The following GPR107 variants were observed in gnomAD, a reference collection of about 807,000 sequenced individuals.
GPR107 encodes the protein G protein-coupled receptor 107.
A neutral mutation model predicts 75.5 loss-of-function variants in GPR107; 31 were observed. That is an observed-to-expected ratio of 0.41 (90% CI 0.31 to 0.55). The LOEUF is 0.55. Ranked by LOEUF, GPR107 falls within the 20% of genes least tolerant of loss-of-function variation. The probability of loss-of-function intolerance (pLI) is 0.26; values close to 1 mark genes in which losing one functional copy is unlikely to be tolerated. For missense variants in GPR107, 572 were observed against 665.7 expected, an observed-to-expected ratio of 0.86 and a Z score of 1.55; for synonymous variants, 267 against 251.3, an observed-to-expected ratio of 1.06 and a Z score of -0.59.
intron 17 of GPR107, among the ~76,000 whole-genome samples, chr9:130,133,600 T>C (rs1172827039): frequency 1.3e-5 from 2 of 152,202 alleles, no homozygotes; most frequent in Non-Finnish European, 2.9e-5. Context: ...CATGGATCCC[T>C]CCTGGGGCAA....
chr9:130,106,975 G>A (rs1285761748), intron 13 of GPR107, among the ~76,000 whole-genome samples: 1 of 152,134 alleles, frequency 6.6e-6, no homozygotes, highest in Non-Finnish European at 1.5e-5. Flanking sequence ...TGGTCATTAG[G>A]TACCAGCACA....
Position 130,099,462 on chromosome 9 carries a change from A to G in GPR107, c.869A>G (p.Asp290Gly). ...WIHILRKRRN[D>G]VFKIHWLMAA... ...TTTTCTCTCTGTTTTTATAGGAATGATGTATTTAAAATCCACTGGCTGATG... is the reference window on the plus strand; with the variant it reads ...TTTTCTCTCTGTTTTTATAGGAATGGTGTATTTAAAATCCACTGGCTGATG... The change falls in exon 10 of 18, where the codon GAT becomes GGT. Residue 290 changes from aspartate (D) to glycine (G), a missense_variant. By Grantham distance (94) the Asp-to-Gly change is moderately conservative (BLOSUM62 -1). Transcript: ENST00000347136. The G allele has an allele frequency of 1.9e-6, 3 of 1,573,254 alleles. No homozygotes were observed. Among genetic ancestry groups the G allele is most frequent in the Non-Finnish European group, 2.6e-6 (3 of 1,142,944 alleles).
chr9:130,119,715 G>A (rs1831504865), intron 14 of GPR107, among the ~76,000 whole-genome samples: 1 of 152,014 alleles, frequency 6.6e-6, no homozygotes, highest in South Asian at 2.1e-4. Context: ...TCCAGTGTAG[G>A]GCTTGAGAGC....
intron 1 of GPR107, 149 bp downstream of exon 1, chr9:130,054,222 T>A: frequency 1.2e-6 from 1 of 815,214 alleles, no homozygotes; most frequent in Non-Finnish European, 1.9e-6. Context: ...GCGGGGTCTG[T>A]GGGGAAGGCG....
chr9:130,133,920 T>C (rs186283501), intron 17 of GPR107, among the ~76,000 whole-genome samples: 34 of 152,234 alleles, frequency 2.2e-4, no homozygotes, highest in African/African-American at 7.9e-4. Context: ...TACAAACATT[T>C]ACTTACCATG....
intron 14 of GPR107, among the ~76,000 whole-genome samples, chr9:130,111,348 T>C (rs1437166816): frequency 6.6e-6 from 1 of 151,972 alleles, no homozygotes; most frequent in African/African-American, 2.4e-5. Flanking sequence ...CTGGGCAACA[T>C]GGCAAAACCC....
intron 11 of GPR107, among the ~76,000 whole-genome samples, chr9:130,100,903 C>T (rs1229721734): frequency 2.0e-5 from 3 of 152,234 alleles, no homozygotes; most frequent in South Asian, 2.1e-4. Context: ...TGCCTCTCTG[C>T]GGCCATTGGC....
At chr9:130,088,100 A>G (rs566733219) in intron 7 of GPR107, among the ~76,000 whole-genome samples, 1 of 152,248 alleles carries the variant, frequency 6.6e-6, no homozygotes, top group Non-Finnish European at 1.5e-5. Context: ...CAGGGTGCTC[A>G]TTTGCTCAGA....
intron 14 of GPR107, among the ~76,000 whole-genome samples, chr9:130,118,640 C>T (rs1223532898): frequency 2.6e-5 from 4 of 152,030 alleles, no homozygotes; most frequent in Non-Finnish European, 5.9e-5. Flanking sequence ...ACCAGGTGGA[C>T]ATGACACCCT....
At chr9:130,075,843 C>T (rs1045510728) in intron 2 of GPR107, 94 bp downstream of exon 2, 26 of 619,312 alleles carry the variant, frequency 4.2e-5, no homozygotes, top group African/African-American at 3.7e-4. Context: ...AGTGCGGTGG[C>T]GCAATCTCAG....
At chr9:130,071,035 C>CTTTTTTTTTTTTTTTTTTTTTT in intron 1 of GPR107, among the ~76,000 whole-genome samples, 1 of 98,178 alleles carries the variant, frequency 1.0e-5, no homozygotes, top group Non-Finnish European at 1.8e-5. Context: ...TTTTTTTTTT[C>CTTTTTTTTTTTTTTTTTTTTTT]TTTTTTTTTT....
intron 5 of GPR107, among the ~76,000 whole-genome samples, chr9:130,082,215 G>A (rs144602511): frequency 6.6e-6 from 1 of 152,244 alleles, no homozygotes; most frequent in East Asian, 1.9e-4. Context: ...ACTGGGGACT[G>A]CCTTTCCACA....
chr9:130,054,271 G>T (rs1647352478), intron 1 of GPR107, among the ~76,000 whole-genome samples, 198 bp downstream of exon 1: 1 of 152,218 alleles, frequency 6.6e-6, no homozygotes, highest in Admixed American at 6.5e-5. Flanking sequence ...TGACCGGCAC[G>T]GGGCGGGAAG....
chr9:130,120,448 T>A (rs1384284438), intron 14 of GPR107, among the ~76,000 whole-genome samples: 1 of 152,178 alleles, frequency 6.6e-6, no homozygotes, highest in East Asian at 1.9e-4. Context: ...CTGCAGTGCC[T>A]TAACCTCTTT....
intron 14 of GPR107, among the ~76,000 whole-genome samples, chr9:130,115,062 T>A (rs1831389066): frequency 6.6e-6 from 1 of 152,212 alleles, no homozygotes; most frequent in South Asian, 2.1e-4. Flanking sequence ...ACTGAGTGCA[T>A]CATGGCTGCA....
intron 5 of GPR107, among the ~76,000 whole-genome samples, chr9:130,083,040 C>T (rs1315735611): frequency 6.6e-6 from 1 of 152,080 alleles, no homozygotes; most frequent in Non-Finnish European, 1.5e-5. Flanking sequence ...CCTGTGTCAG[C>T]CTCCCGAGTA....
chr9:130,105,334 A>G (rs1440435476), intron 13 of GPR107, among the ~76,000 whole-genome samples: 1 of 151,436 alleles, frequency 6.6e-6, no homozygotes, highest in Non-Finnish European at 1.5e-5. Flanking sequence ...GCCCACTGCA[A>G]CCTCTGCCTC....
intron 5 of GPR107, among the ~76,000 whole-genome samples, chr9:130,080,746 C>T (rs998858616): frequency 1.2e-3 from 178 of 151,822 alleles, no homozygotes; most frequent in African/African-American, 4.0e-3. Flanking sequence ...CCGCCTCGGC[C>T]TCCCAAAGTG....
At chr9:130,054,299 G>A (rs752732173) in intron 1 of GPR107, among the ~76,000 whole-genome samples, 5 of 152,216 alleles carry the variant, frequency 3.3e-5, no homozygotes, top group Non-Finnish European at 7.3e-5. Flanking sequence ...CTGAGGGAGG[G>A]GAAGGGGCTG....
Sources: allele counts gnomAD v4.1 joint callset (sites outside exome capture counted in the v4.1 genomes callset), GRCh38; gene constraint gnomAD v4.1.1; transcripts MANE v1.5; gene names NCBI Gene and HGNC (gene_info 2026-07-23, HGNC 2026-07-21).